The following ZNF189 variants were observed in gnomAD, a reference collection of about 807,000 sequenced individuals.
ZNF189 encodes zinc finger protein 189.
Under a neutral mutation model 53.5 loss-of-function variants are expected in ZNF189, and 33 were observed. The ratio of observed to expected loss-of-function variants is 0.62; its 90% CI spans 0.47 to 0.82. ZNF189 has a LOEUF of 0.82. Among genes scored for constraint, ZNF189 ranks in the 40% least tolerant of loss-of-function variants. ZNF189 has a pLI of 0.00. For synonymous variants in ZNF189, 247 were observed against 238.8 expected (o/e 1.03, Z -0.32); for missense variants, 711 against 753.9 (o/e 0.94, Z 0.67).
At position 101,410,463 on chromosome 9, in the gene ZNF189, A is replaced by G. The variant is rs1830901831; in HGVS notation, c.*814A>G. 6.6e-6 allele frequency: 1 copy of G among 152,434 alleles called. No individual in the cohort carries two copies. Among genetic ancestry groups the G allele is most frequent in the African/African-American group, 2.4e-5 (1 of 41,466 alleles). The allele number at this position is 152,434 out of a possible 1,614,324, so 9.4% of individuals were successfully genotyped here. A position where few individuals can be genotyped will look rare whatever the true frequency, so the allele number is the denominator to read the frequency against. On this transcript the variant is annotated 3_prime_UTR_variant, in exon 3 of 3. Transcript: ENST00000339664. ...AGTGTACATATTATGACTGCCAAGT[A>G]TTGGAAATGAAAAGACCTGGAGTCT...
chr9:101,407,791 T>C, intron 2 of ZNF189, 138 bp from the exon 3 acceptor site: 2 of 860,358 alleles, frequency 2.3e-6, no homozygotes, highest in Non-Finnish European at 3.4e-6. Context: ...GAGTTTTTTT[T>C]CATCCTACCC....
In ZNF189 at chr9:101,409,452, CA is replaced by C; in HGVS notation, c.1685del (p.His562ProfsTer32). 6.2e-7 allele frequency: 1 copy of C among 1,614,168 alleles called. No homozygotes were observed. The highest frequency in any genetic ancestry group is 1.3e-5 in the African/African-American group (1 of 75,056). On this transcript the variant is annotated frameshift_variant, in exon 3 of 3. Transcript: ENST00000339664. LOFTEE classifies it high-confidence loss of function. ...GGGTCTTATTCAGCATCAGAGAATA[CA>C]CACAGGAGAGAAACCTTATAAGTGT... ...NSGLIQHQRI[H>X]TGEKPYKCEK... is the part of the protein sequence containing the mutation.
At chr9:101,403,616 C>G (rs1373745370) in intron 2 of ZNF189, among the ~76,000 whole-genome samples, 2 of 152,212 alleles carry the variant, frequency 1.3e-5, no homozygotes, top group Non-Finnish European at 2.9e-5. Flanking sequence ...TCTTTGACAT[C>G]TTCAATTTTA....
In ZNF189 at chr9:101,408,460, C is replaced by T; in HGVS notation, c.692C>T (p.Pro231Leu). Reference sequence around the variant, plus strand: ...CAGAGAATCCACACTGGAGAAAGACCCTATCAGTGTAATCAGTGTAAACAG... The same window carrying T: ...CAGAGAATCCACACTGGAGAAAGACTCTATCAGTGTAATCAGTGTAAACAG... ...RHQRIHTGER[P>L]YQCNQCKQSF... The change falls in exon 3 of 3, where the codon CCC becomes CTC. Residue 231 changes from proline to leucine, a missense_variant. Pro to Leu is a moderately conservative substitution (Grantham distance 98, BLOSUM62 -3). Transcript: ENST00000339664. 6.2e-7 allele frequency: 1 copy of T among 1,613,984 alleles called. No homozygotes were observed. Among genetic ancestry groups the T allele is most frequent in the East Asian group, 2.2e-5 (1 of 44,860 alleles).
At position 101,409,067 on chromosome 9, in the gene ZNF189, T is replaced by G; in HGVS notation, c.1299T>G (p.Thr433=). The change falls in exon 3 of 3, where the codon ACT becomes ACG. Residue 433 remains threonine, a synonymous_variant. Transcript: ENST00000339664. ...TREKTYPYNE[T]KESFDPNCSL... ...AGAAGACTTATCCATACAATGAAAC[T>G]AAGGAAAGTTTTGATCCAAATTGCA... The G allele has an allele frequency of 6.2e-7, 1 of 1,613,906 alleles. No homozygotes were observed.
At position 101,409,514 on chromosome 9, in the gene ZNF189, T is replaced by G. The variant is rs768990993; in HGVS notation, c.1746T>G (p.Ser582Arg). 1.9e-6 allele frequency: 3 copies of G among 1,614,112 alleles called. No homozygotes were observed. The highest frequency in any genetic ancestry group is 2.5e-6 in the Non-Finnish European group (3 of 1,180,012). The change falls in exon 3 of 3, where the codon AGT becomes AGG. Residue 582 changes from serine (S) to arginine (R), a missense_variant. Physicochemically the swap from Ser to Arg is moderately radical, Grantham distance 110 (BLOSUM62 -1). Transcript: ENST00000339664. ...ACAAAAGTTTCAGTCAACAGCGCAG[T>G]CTTGTCAACCATCAGAAGATCCATG... Reference protein sequence around the residue: ...KCDKSFSQQRSLVNHQKIHAE... With the variant: ...KCDKSFSQQRRLVNHQKIHAE...
chr9:101,405,082 A>G (rs1830663105), intron 2 of ZNF189, among the ~76,000 whole-genome samples: 1 of 152,202 alleles, frequency 6.6e-6, no homozygotes, highest in Admixed American at 6.5e-5. Context: ...TGTAACACAA[A>G]CAATTTGCCT....
In ZNF189 at chr9:101,410,006, T is replaced by TAGAA. The variant is rs1288277320; in HGVS notation, c.*357_*358insAGAA. 1.1e-5 allele frequency: 2 copies of TAGAA among 180,936 alleles called. No individual in the cohort carries two copies. The highest frequency in any genetic ancestry group is 3.1e-4 in the East Asian group (2 of 6,514). 11.2% of individuals were successfully genotyped at this position (180,936 alleles called of 1,614,324 possible). On this transcript the variant is annotated 3_prime_UTR_variant, in exon 3 of 3. Transcript: ENST00000339664. ...CAGAATAATGATTCAAAGAGTCTTC[T>TAGAA]GTCACCATGTCATATTGTGGTTCTT...
At position 101,398,962 on chromosome 9, in the gene ZNF189, TG is replaced by T; in HGVS notation, c.-190del. ...AGGAGTAGGGGTTGGGGTTCGGGGT[TG>T]GGGGACAGCCAGGGATCGCGTCTGA... On this transcript the variant is annotated 5_prime_UTR_variant, in exon 1 of 3. Coordinates refer to ENST00000339664, the MANE Select transcript of ZNF189 (RefSeq NM_003452.4). 1 of 475,940 alleles carries T rather than the reference TG, an allele frequency of 2.1e-6. No homozygotes were observed. Among genetic ancestry groups the T allele is most frequent in the Non-Finnish European group, 3.9e-6 (1 of 258,996 alleles). 29.5% of individuals were successfully genotyped at this position (475,940 alleles called of 1,614,324 possible).
At chr9:101,403,728 C>CT (rs1564068041) in intron 2 of ZNF189, among the ~76,000 whole-genome samples, 1 of 152,154 alleles carries the variant, frequency 6.6e-6, no homozygotes, top group Non-Finnish European at 1.5e-5. Context: ...CTTTGTTCCT[C>CT]TTTTTATAAG....
intron 1 of ZNF189, chr9:101,399,466 G>C: frequency 4.6e-6 from 6 of 1,314,288 alleles, no homozygotes; most frequent in Non-Finnish European, 5.8e-6. Context: ...GAGTTCTCCA[G>C]GTGAAGCACC....
At chr9:101,401,868 G>T (rs911184177) in intron 2 of ZNF189, among the ~76,000 whole-genome samples, 1 of 151,810 alleles carries the variant, frequency 6.6e-6, no homozygotes, top group Non-Finnish European at 1.5e-5. Flanking sequence ...CTTTCCTTGG[G>T]GGACCTTACC....
rs1830893507 is a variant in ZNF189, at chr9:101,410,193, A to G, written c.*544A>G. The G allele has an allele frequency of 1.3e-5, 2 of 152,934 alleles. No homozygotes were observed. Among genetic ancestry groups the G allele is most frequent in the South Asian group, 2.1e-4 (1 of 4,842 alleles). The allele number at this position is 152,934 out of a possible 1,614,324, so 9.5% of individuals were successfully genotyped here. A position where few individuals can be genotyped will look rare whatever the true frequency, so the allele number is the denominator to read the frequency against. ...GGCATGTGAGTTAAAGGCAGTTCCA[A>G]TGCCTGATGGTTCCCAGATCTATGA... is the stretch of plus-strand genomic sequence containing the variant. On this transcript the variant is annotated 3_prime_UTR_variant, in exon 3 of 3. Coordinates refer to ENST00000339664, the MANE Select transcript of ZNF189 (RefSeq NM_003452.4).
In ZNF189 at chr9:101,399,009, C is replaced by T; in HGVS notation, c.-148C>T. 1 of 727,506 alleles carries T rather than the reference C, an allele frequency of 1.4e-6. No individual in the cohort carries two copies. The highest frequency in any genetic ancestry group is 1.7e-5 in the African/African-American group (1 of 57,516). The allele number at this position is 727,506 out of a possible 1,614,324, so 45.1% of individuals were successfully genotyped here. ...TCTGATATGCTGTTGGGGTCGTGAC[C>T]GTCTGGGGGCCGAGGCAGGCACTGG... On this transcript the variant is annotated 5_prime_UTR_variant, in exon 1 of 3. Transcript: ENST00000339664.
intron 2 of ZNF189, 102 bp downstream of exon 2, chr9:101,400,112 C>G: frequency 6.9e-7 from 1 of 1,445,794 alleles, no homozygotes; most frequent in Non-Finnish European, 9.4e-7. Flanking sequence ...CTGCTTTGTT[C>G]CAAAGTTCTG....
At chr9:101,405,102 A>T (rs574295539) in intron 2 of ZNF189, among the ~76,000 whole-genome samples, 1 of 152,232 alleles carries the variant, frequency 6.6e-6, no homozygotes, top group Non-Finnish European at 1.5e-5. Flanking sequence ...TACATAAAGT[A>T]TGATAAAGTA....
At chr9:101,399,786 G>A (rs1830463059) in intron 1 of ZNF189, 98 bp from the exon 2 acceptor site, 4 of 1,564,954 alleles carry the variant, frequency 2.6e-6, no homozygotes, top group Non-Finnish European at 2.6e-6. Flanking sequence ...GTTCCTCCTA[G>A]CCTACTTGGC....
chr9:101,409,487 C>T lies in ZNF189; in HGVS notation c.1719C>T (p.Cys573=), dbSNP rs781030904. Residue 573 remains cysteine (C), a synonymous_variant, in exon 3 of 3, where the codon TGC becomes TGT. Transcript: ENST00000339664. The part of the protein sequence containing the change: ...TGEKPYKCEK[C]DKSFSQQRSL... The stretch of plus-strand genomic sequence containing the variant: ...AGAAACCTTATAAGTGTGAGAAGTG[C>T]GACAAAAGTTTCAGTCAACAGCGCA... 21 of 1,613,858 alleles carry T rather than the reference C, an allele frequency of 1.3e-5. No homozygotes were observed. The highest frequency in any genetic ancestry group is 1.0e-4 in the Admixed American group (6 of 59,976).
intron 1 of ZNF189, 97 bp from the exon 2 acceptor site, chr9:101,399,787 C>T (rs1830463440): frequency 6.4e-7 from 1 of 1,565,540 alleles, no homozygotes; most frequent in African/African-American, 1.4e-5. Flanking sequence ...TTCCTCCTAG[C>T]CTACTTGGCC....
Sources: gnomAD v4.1 joint callset for allele counts (sites outside exome capture counted in the v4.1 genomes callset) on GRCh38, gnomAD v4.1.1 for gene constraint, MANE v1.5 for transcripts, NCBI Gene and HGNC (gene_info 2026-07-23, HGNC 2026-07-21) for gene names.